Variants in ZZZ3 observed in about 807,000 individuals in gnomAD.
The protein encoded by ZZZ3 is zinc finger ZZ-type containing 3, also known as ZZ-type zinc finger-containing protein 3.
In ZZZ3, 22 loss-of-function variants were observed where a neutral mutation model predicts 95.2. The ratio of observed to expected loss-of-function variants is 0.23; its 90% CI spans 0.17 to 0.33. The LOEUF (loss-of-function observed/expected upper bound fraction) is 0.33, where lower values mean the gene tolerates loss of function less well. Ranked by LOEUF, ZZZ3 falls within the 10% of genes least tolerant of loss-of-function variation. The probability of loss-of-function intolerance (pLI) is 1.00; values close to 1 mark genes in which losing one functional copy is unlikely to be tolerated. For synonymous variants in ZZZ3, 335 were observed against 358.9 expected, an observed-to-expected ratio of 0.93 and a Z score of 0.75; for missense variants, 885 against 1,066.5, an observed-to-expected ratio of 0.83 and a Z score of 2.37.
At chr1:77,572,820 C>G (rs964476307) in intron 12 of ZZZ3, among the ~76,000 whole-genome samples, 3 of 150,944 alleles carry the variant, frequency 2.0e-5, no homozygotes, top group African/African-American at 7.3e-5. Context: ...TTTCTTTTTT[C>G]TTTTTTGTAG....
At chr1:77,569,038 T>C (rs745642231) in intron 12 of ZZZ3, among the ~76,000 whole-genome samples, 5 of 152,130 alleles carry the variant, frequency 3.3e-5, no homozygotes, top group Non-Finnish European at 7.4e-5. Flanking sequence ...GTAAAAACTA[T>C]ATAAATGTAT....
intron 1 of ZZZ3, among the ~76,000 whole-genome samples, chr1:77,682,204 C>CTGGA (rs1672837038): frequency 6.6e-6 from 1 of 152,100 alleles, no homozygotes; most frequent in Admixed American, 6.5e-5. Flanking sequence ...TTTCAGGAGA[C>CTGGA]TGGAGTCAGG....
intron 5 of ZZZ3, among the ~76,000 whole-genome samples, chr1:77,589,545 CTCTCGCCT>C (rs1228642303): frequency 7.9e-5 from 12 of 151,860 alleles, no homozygotes; most frequent in African/African-American, 2.9e-4. Context: ...TAAAGTGATC[CTCTCGCCT>C]CAGCCTCCCG....
At chr1:77,585,796 T>C (rs1663028525) in intron 5 of ZZZ3, among the ~76,000 whole-genome samples, 1 of 152,204 alleles carries the variant, frequency 6.6e-6, no homozygotes, top group Non-Finnish European at 1.5e-5. Context: ...GTATCAAAGG[T>C]GAAATACTGC....
At chr1:77,618,669 G>C (rs1469331627) in intron 5 of ZZZ3, among the ~76,000 whole-genome samples, 2 of 152,120 alleles carry the variant, frequency 1.3e-5, no homozygotes, top group African/African-American at 2.4e-5. Context: ...TGTTGTTTGA[G>C]ATACTCTGAG....
At chr1:77,599,122 G>C (rs1407751451) in intron 5 of ZZZ3, among the ~76,000 whole-genome samples, 1 of 151,930 alleles carries the variant, frequency 6.6e-6, no homozygotes, top group Non-Finnish European at 1.5e-5. Context: ...TTTTTAAAGA[G>C]TATTTAAATA....
At chr1:77,597,105 T>C (rs1420233362) in intron 5 of ZZZ3, among the ~76,000 whole-genome samples, 1 of 152,088 alleles carries the variant, frequency 6.6e-6, no homozygotes, top group African/African-American at 2.4e-5. Context: ...GAGCGTCAAG[T>C]ATTTTATAGT....
chr1:77,582,382 A>C (rs774738456), intron 6 of ZZZ3, among the ~76,000 whole-genome samples: 1 of 152,212 alleles, frequency 6.6e-6, no homozygotes, highest in African/African-American at 2.4e-5. Flanking sequence ...TTTTAAAATA[A>C]TGATAGTAAT....
chr1:77,635,319 A>G (rs1668198968), intron 4 of ZZZ3, among the ~76,000 whole-genome samples: 1 of 152,196 alleles, frequency 6.6e-6, no homozygotes. Context: ...AGAATCACAA[A>G]ACTAGCCCTG....
chr1:77,658,279 T>C (rs940331288), intron 1 of ZZZ3, among the ~76,000 whole-genome samples: 6 of 151,848 alleles, frequency 4.0e-5, no homozygotes, highest in Non-Finnish European at 7.4e-5. Context: ...CAACACACAC[T>C]TAATTTGGCA....
intron 5 of ZZZ3, among the ~76,000 whole-genome samples, chr1:77,596,460 C>T (rs1664222884): frequency 6.6e-6 from 1 of 151,966 alleles, no homozygotes; most frequent in Admixed American, 6.6e-5. Flanking sequence ...TATATAATAC[C>T]ATGCATTTAT....
intron 5 of ZZZ3, among the ~76,000 whole-genome samples, chr1:77,593,701 T>G (rs1309073633): frequency 1.3e-5 from 2 of 152,170 alleles, no homozygotes; most frequent in Non-Finnish European, 2.9e-5. Flanking sequence ...TCTATAACTG[T>G]GCATAAATAC....
chr1:77,638,777 C>T (rs1426548259), intron 4 of ZZZ3, among the ~76,000 whole-genome samples: 2 of 152,016 alleles, frequency 1.3e-5, no homozygotes, highest in Admixed American at 6.6e-5. Flanking sequence ...AAAGTGTAAC[C>T]AATATGATTC....
At chr1:77,593,446 C>T (rs141906406) in intron 5 of ZZZ3, among the ~76,000 whole-genome samples, 16 of 152,124 alleles carry the variant, frequency 1.1e-4, no homozygotes, top group African/African-American at 3.4e-4. Flanking sequence ...AGATACAGTA[C>T]GGTTCAAAAG....
At chr1:77,568,565 C>A in intron 12 of ZZZ3, 99 bp from the exon 13 acceptor site, 45 of 604,618 alleles carry the variant, frequency 7.4e-5, no homozygotes, top group East Asian at 1.3e-4. Context: ...TGATATTTTT[C>A]ATTTTTAAAA....
chr1:77,614,263 A>G (rs1296440631), intron 5 of ZZZ3, among the ~76,000 whole-genome samples: 1 of 152,228 alleles, frequency 6.6e-6, no homozygotes, highest in Non-Finnish European at 1.5e-5. Context: ...AGCCGACTCT[A>G]GTGGAACAGC....
At chr1:77,654,682 T>C (rs1670111761) in intron 1 of ZZZ3, among the ~76,000 whole-genome samples, 1 of 152,160 alleles carries the variant, frequency 6.6e-6, no homozygotes, top group Admixed American at 6.5e-5. Context: ...AGGCCTTACA[T>C]ATTGCCTTAT....
intron 1 of ZZZ3, among the ~76,000 whole-genome samples, chr1:77,668,816 T>C (rs1249159654): frequency 2.0e-5 from 3 of 152,178 alleles, no homozygotes; most frequent in Non-Finnish European, 4.4e-5. Flanking sequence ...ATTCTATATC[T>C]AAGTGTTCTT....
intron 5 of ZZZ3, among the ~76,000 whole-genome samples, chr1:77,620,168 G>C (rs960159880): frequency 1.3e-5 from 2 of 152,128 alleles, no homozygotes; most frequent in African/African-American, 4.8e-5. Flanking sequence ...AAGAAAACAG[G>C]GAAAAGGTAG....
Sources: allele counts gnomAD v4.1 joint callset (sites outside exome capture counted in the v4.1 genomes callset), GRCh38; gene constraint gnomAD v4.1.1; transcripts MANE v1.5; gene names NCBI Gene and HGNC (gene_info 2026-07-23, HGNC 2026-07-21).